LRRC63: variants seen among roughly 807,000 people sequenced by gnomAD.
LRRC63 encodes the protein leucine-rich repeat-containing protein 63.
In LRRC63, 40 loss-of-function variants were observed where a neutral mutation model predicts 49.5. The ratio of observed to expected loss-of-function variants is 0.81; its 90% confidence interval spans 0.63 to 1.05. The LOEUF (loss-of-function observed/expected upper bound fraction) is 1.05, where lower values mean the gene tolerates loss of function less well. LRRC63 is among the 50% of genes least tolerant of loss of function. The pLI, the probability that LRRC63 is intolerant of heterozygous loss-of-function variation, is 0.00. For missense variants in LRRC63, 636 were observed against 663.1 expected, an observed-to-expected ratio of 0.96 and a Z score of 0.45; for synonymous variants, 191 against 221.1, an observed-to-expected ratio of 0.86 and a Z score of 1.21.
chr13:46,255,859 C>T (rs1299384363), intron 7 of LRRC63, among the ~76,000 whole-genome samples: 1 of 152,038 alleles, frequency 6.6e-6, no homozygotes, highest in African/African-American at 2.4e-5. Flanking sequence ...AGAAAGTTTA[C>T]CCTAGAAATG....
intron 6 of LRRC63, 170 bp from the exon 7 acceptor site, chr13:46,250,185 G>A: frequency 1.9e-6 from 1 of 532,720 alleles, no homozygotes; most frequent in Non-Finnish European, 3.3e-6. Flanking sequence ...ATTAATGCTG[G>A]TCACTTGTTT....
intron 2 of LRRC63, among the ~76,000 whole-genome samples, chr13:46,216,914 T>G (rs1223277611): frequency 1.3e-5 from 2 of 152,238 alleles, no homozygotes; most frequent in African/African-American, 2.4e-5. Flanking sequence ...TTTATTGATT[T>G]GATTTATGTA....
At chr13:46,216,940 G>A (rs1418198483) in intron 2 of LRRC63, among the ~76,000 whole-genome samples, 1 of 152,184 alleles carries the variant, frequency 6.6e-6, no homozygotes, top group Non-Finnish European at 1.5e-5. Flanking sequence ...AACCAGCCTT[G>A]CATGCCAGGG....
chr13:46,218,953 G>A (rs1375477301), intron 2 of LRRC63, among the ~76,000 whole-genome samples: 4 of 152,172 alleles, frequency 2.6e-5, no homozygotes, highest in African/African-American at 7.2e-5. Context: ...GGTTTGTAGC[G>A]TTTCTGCAGA....
At chr13:46,214,632 G>GT (rs931500115) in intron 2 of LRRC63, among the ~76,000 whole-genome samples, 1 of 148,174 alleles carries the variant, frequency 6.7e-6, no homozygotes, top group African/African-American at 2.5e-5. Flanking sequence ...ATCAAAATTT[G>GT]TTTTTTTATT....
At chr13:46,223,516 A>C (rs1489730090) in intron 2 of LRRC63, among the ~76,000 whole-genome samples, 1 of 148,618 alleles carries the variant, frequency 6.7e-6, no homozygotes, top group Non-Finnish European at 1.5e-5. Context: ...AGCACTTTGA[A>C]TATATCACCT....
intron 7 of LRRC63, among the ~76,000 whole-genome samples, chr13:46,259,401 G>A (rs958545): frequency 0.23 from 34,649 of 152,058 alleles, 4,687 homozygotes; most frequent in East Asian, 0.36. Flanking sequence ...AAAACAAAAA[G>A]TCTTTATCTT....
At chr13:46,240,838 C>T (rs1566490732) in intron 5 of LRRC63, among the ~76,000 whole-genome samples, 1 of 152,036 alleles carries the variant, frequency 6.6e-6, no homozygotes, top group African/African-American at 2.4e-5. Flanking sequence ...TCAGAGATGA[C>T]ACAAGCAAAT....
chr13:46,270,637 C>T (rs1566515252), intron 9 of LRRC63: 1 of 802,912 alleles, frequency 1.2e-6, no homozygotes, highest in East Asian at 2.6e-5. Context: ...TGACATGGAG[C>T]AAAAAGCAAA....
intron 8 of LRRC63, among the ~76,000 whole-genome samples, chr13:46,265,264 G>A (rs1180225609): frequency 6.6e-6 from 1 of 152,180 alleles, no homozygotes; most frequent in Admixed American, 6.5e-5. Context: ...CAGGCAGGGA[G>A]AGCCTCACCA....
chr13:46,251,935 A>G (rs951832281), intron 7 of LRRC63, among the ~76,000 whole-genome samples: 12 of 151,980 alleles, frequency 7.9e-5, no homozygotes, highest in African/African-American at 2.7e-4. Context: ...ATAAGTATGA[A>G]TTGTTGATTA....
At chr13:46,250,329 G>C in intron 6 of LRRC63, 26 bp from the exon 7 acceptor site, 1 of 1,456,374 alleles carries the variant, frequency 6.9e-7, no homozygotes, top group Non-Finnish European at 9.3e-7. Context: ...TTCCGCTCAT[G>C]TTTGTTTCTC....
chr13:46,231,756 T>C (rs1290447995), intron 4 of LRRC63, among the ~76,000 whole-genome samples: 2 of 150,714 alleles, frequency 1.3e-5, no homozygotes, highest in Admixed American at 1.3e-4. Context: ...GTGATCCTCC[T>C]CGGCCTCCCA....
At chr13:46,270,098 G>A (rs1042188784) in intron 9 of LRRC63, 17 of 624,680 alleles carry the variant, frequency 2.7e-5, no homozygotes, top group African/African-American at 5.5e-5. Context: ...GCGCCAAACC[G>A]CAGAGCCGGT....
At chr13:46,234,385 T>C in intron 5 of LRRC63, 36 bp downstream of exon 5, 1 of 1,522,028 alleles carries the variant, frequency 6.6e-7, no homozygotes, top group Non-Finnish European at 8.9e-7. Context: ...TGCCCTCCTG[T>C]ATTATCAATT....
chr13:46,228,420 C>T (rs781424958), intron 3 of LRRC63, among the ~76,000 whole-genome samples: 14 of 152,188 alleles, frequency 9.2e-5, no homozygotes, highest in Non-Finnish European at 1.9e-4. Flanking sequence ...TAATGGGAAC[C>T]AACAAGGGAA....
chr13:46,253,209 T>G lies in LRRC63; in HGVS notation c.1226+2718T>G, dbSNP rs148169672. ...ATAGAGGCTATAAGGAACAGAAAAGTCAAAGTAAAAAAAAAAAGTCAAGGT... is the reference window on the plus strand; with the variant it reads ...ATAGAGGCTATAAGGAACAGAAAAGGCAAAGTAAAAAAAAAAAGTCAAGGT... On this transcript the variant is annotated intron_variant, in intron 7 of 9. Transcript: ENST00000595396. Among the ~76,000 whole-genome samples, 832 of 150,754 alleles carry G rather than the reference T, an allele frequency of 5.5e-3. 21 individuals carry two copies. Among genetic ancestry groups the G allele is most frequent in the Admixed American group, 0.047 (703 of 15,110 alleles).
intron 7 of LRRC63, among the ~76,000 whole-genome samples, chr13:46,251,488 G>A (rs2047380744): frequency 6.6e-6 from 1 of 151,680 alleles, no homozygotes; most frequent in African/African-American, 2.4e-5. Flanking sequence ...TATTTTCCCT[G>A]CCCTGACACT....
intron 2 of LRRC63, among the ~76,000 whole-genome samples, chr13:46,217,715 A>C (rs537072388): frequency 4.6e-5 from 7 of 152,146 alleles, no homozygotes; most frequent in Admixed American, 4.6e-4. Flanking sequence ...TCAATTTTAC[A>C]TCTTTCCTGC....
Sources: allele counts gnomAD v4.1 joint callset (sites outside exome capture counted in the v4.1 genomes callset), GRCh38; gene constraint gnomAD v4.1.1; transcripts MANE v1.5; gene names NCBI Gene and HGNC (gene_info 2026-07-23, HGNC 2026-07-21).